STK33: variants seen among roughly 807,000 people sequenced by gnomAD.
The protein encoded by STK33 is serine/threonine kinase 33.
A neutral mutation model predicts 58.0 loss-of-function variants in STK33; 52 were observed. The observed-to-expected ratio is 0.90, with a 90% CI of 0.72 to 1.13. STK33 has a LOEUF of 1.13. Ranked by LOEUF, STK33 falls within the 50% of genes most tolerant of loss-of-function variation. The probability of loss-of-function intolerance (pLI) is 0.00; values close to 1 mark genes in which losing one functional copy is unlikely to be tolerated. For synonymous variants in STK33, 215 were observed against 200.1 expected, an observed-to-expected ratio of 1.07 and a Z score of -0.63; for missense variants, 630 against 604.2, an observed-to-expected ratio of 1.04 and a Z score of -0.45.
At chr11:8,542,981 G>A (rs1273693941) in intron 1 of STK33, among the ~76,000 whole-genome samples, 3 of 152,134 alleles carry the variant, frequency 2.0e-5, no homozygotes, top group African/African-American at 2.4e-5. Flanking sequence ...AAAGTGCTGG[G>A]ACTACAGACA....
intron 10 of STK33, among the ~76,000 whole-genome samples, chr11:8,453,453 T>C (rs1395763114): frequency 6.6e-6 from 1 of 152,206 alleles, no homozygotes; most frequent in Non-Finnish European, 1.5e-5. Flanking sequence ...TTCTAGAGTA[T>C]ACTAATTAAA....
intron 15 of STK33, among the ~76,000 whole-genome samples, chr11:8,412,373 T>C (rs1365748359): frequency 2.0e-5 from 3 of 152,242 alleles, no homozygotes; most frequent in Non-Finnish European, 2.9e-5. Flanking sequence ...GTCTACATTA[T>C]GGTAAAAATA....
the STK33 span, among the ~76,000 whole-genome samples, chr11:8,338,006 G>A: frequency 6.6e-6 from 1 of 152,102 alleles, no homozygotes; most frequent in African/African-American, 2.4e-5. Flanking sequence ...CATCGTAATT[G>A]ACATACTGTT....
At chr11:8,509,407 T>C (rs1210893184) in intron 1 of STK33, among the ~76,000 whole-genome samples, 1 of 152,182 alleles carries the variant, frequency 6.6e-6, no homozygotes, top group African/African-American at 2.4e-5. Flanking sequence ...TACACCCAAA[T>C]AAAATACGGG....
At chr11:8,418,038 A>G (rs1941376527) in intron 14 of STK33, among the ~76,000 whole-genome samples, 1 of 152,128 alleles carries the variant, frequency 6.6e-6, no homozygotes, top group African/African-American at 2.4e-5. Flanking sequence ...ATTCACAGGG[A>G]CTATTTACAA....
At chr11:8,521,416 C>T (rs1019397879) in intron 1 of STK33, among the ~76,000 whole-genome samples, 8 of 152,078 alleles carry the variant, frequency 5.3e-5, no homozygotes, top group Admixed American at 6.5e-5. Context: ...GAAAACTGGT[C>T]AGCCATATGT....
At chr11:8,391,789 A>G (rs1302318283), downstream of STK33, 1 of 152,652 alleles carries the variant, frequency 6.6e-6, no homozygotes, top group Non-Finnish European at 1.5e-5. Context: ...CTACCATTGC[A>G]GCAGTAGAAC....
At chr11:8,570,526 A>T (rs1266680047) in intron 1 of STK33, among the ~76,000 whole-genome samples, 1 of 152,236 alleles carries the variant, frequency 6.6e-6, no homozygotes, top group Non-Finnish European at 1.5e-5. Flanking sequence ...ATGTCCAACA[A>T]CATGTGAATG....
At chr11:8,391,040 C>G (rs58795780), downstream of STK33, among the ~76,000 whole-genome samples, 1,829 of 152,272 alleles carry the variant, frequency 0.012, 44 homozygotes, top group African/African-American at 0.041. Flanking sequence ...TTCTCCCCGC[C>G]GGAGGTGACG....
chr11:8,400,571 G>A (rs1385018818), intron 15 of STK33, among the ~76,000 whole-genome samples: 7 of 152,196 alleles, frequency 4.6e-5, no homozygotes, highest in Admixed American at 2.0e-4. Context: ...AGACAGGGAT[G>A]CCCTCTCTCA....
chr11:8,478,220 A>G (rs1949461558), intron 2 of STK33, among the ~76,000 whole-genome samples: 2 of 152,196 alleles, frequency 1.3e-5, no homozygotes, highest in South Asian at 4.1e-4. Context: ...CAAGTATTGC[A>G]AACTTATGTA....
At chr11:8,474,200 T>A (rs1028957688) in intron 5 of STK33, among the ~76,000 whole-genome samples, 6 of 151,518 alleles carry the variant, frequency 4.0e-5, no homozygotes, top group Non-Finnish European at 8.8e-5. Context: ...GATGAATACA[T>A]CGAAATCAGT....
intron 1 of STK33, among the ~76,000 whole-genome samples, chr11:8,528,214 G>A (rs1252441044): frequency 1.4e-5 from 2 of 147,422 alleles, no homozygotes; most frequent in Non-Finnish European, 3.0e-5. Flanking sequence ...GCAAGTAATT[G>A]TTTAAAGGCA....
chr11:8,555,207 C>G (rs1317088856), intron 1 of STK33: 1 of 151,644 alleles, frequency 6.6e-6, no homozygotes, highest in Non-Finnish European at 1.5e-5. Flanking sequence ...AAGAGTCAAA[C>G]TCATAGAAGT....
intron 10 of STK33, 77 bp from the exon 11 acceptor site, chr11:8,452,983 T>A (rs1021074780): frequency 2.4e-6 from 3 of 1,270,676 alleles, no homozygotes; most frequent in South Asian, 1.2e-5. Context: ...AGACTTCACA[T>A]TGAATTTGCA....
chr11:8,490,426 T>C (rs1204077837), intron 1 of STK33, among the ~76,000 whole-genome samples: 1 of 148,854 alleles, frequency 6.7e-6, no homozygotes, highest in Non-Finnish European at 1.5e-5. Context: ...AAGCTTGAAC[T>C]GGGCAGAGCG....
At chr11:8,579,325 A>G (rs1488746516) in intron 1 of STK33, among the ~76,000 whole-genome samples, 2 of 152,076 alleles carry the variant, frequency 1.3e-5, no homozygotes, top group African/African-American at 4.8e-5. Flanking sequence ...CACACTAAAT[A>G]CCAAATGAAA....
chr11:8,539,518 C>T (rs1320956404), intron 1 of STK33, among the ~76,000 whole-genome samples: 1 of 152,194 alleles, frequency 6.6e-6, no homozygotes, highest in African/African-American at 2.4e-5. Context: ...CTATGTCCTA[C>T]AAACAGGTAG....
chr11:8,357,250 GATTACAC>G, the STK33 span, among the ~76,000 whole-genome samples: 1 of 152,338 alleles, frequency 6.6e-6, no homozygotes, highest in East Asian at 1.9e-4. Context: ...CGCGCGGCGC[GATTACAC>G]ATTCTCTGCA....
Sources: gnomAD v4.1 joint callset for allele counts (sites outside exome capture counted in the v4.1 genomes callset) on GRCh38, gnomAD v4.1.1 for gene constraint, MANE v1.5 for transcripts, NCBI Gene and HGNC (gene_info 2026-07-23, HGNC 2026-07-21) for gene names.